LRRIQ1: variants seen among roughly 807,000 people sequenced by gnomAD.
LRRIQ1 encodes leucine-rich repeat- and IQ domain-containing protein 1.
In LRRIQ1, 210 loss-of-function variants were observed where a neutral mutation model predicts 211.9. The observed-to-expected ratio is 0.99, with a 90% CI of 0.89 to 1.11. LRRIQ1 has a LOEUF of 1.11. Ranked by LOEUF, LRRIQ1 falls within the 50% of genes most tolerant of loss-of-function variation. The probability of loss-of-function intolerance (pLI) is 0.00; values close to 1 mark genes in which losing one functional copy is unlikely to be tolerated. For synonymous variants in LRRIQ1, 699 were observed against 650.1 expected, an observed-to-expected ratio of 1.08 and a Z score of -1.14; for missense variants, 2,136 against 1,939.5, an observed-to-expected ratio of 1.10 and a Z score of -1.90.
intron 8 of LRRIQ1, among the ~76,000 whole-genome samples, chr12:85,057,624 A>G (rs996609218): frequency 6.6e-6 from 1 of 152,090 alleles, no homozygotes. Flanking sequence ...AAGGGCTTGC[A>G]TGATAGAAGA....
chr12:85,060,759 A>G (rs1430643892), intron 8 of LRRIQ1, among the ~76,000 whole-genome samples: 1 of 151,942 alleles, frequency 6.6e-6, no homozygotes, highest in African/African-American at 2.4e-5. Context: ...AAAAAAAAAT[A>G]AAATAGACTT....
At chr12:85,138,271 G>A (rs958837646) in intron 19 of LRRIQ1, among the ~76,000 whole-genome samples, 1 of 151,486 alleles carries the variant, frequency 6.6e-6, no homozygotes, top group African/African-American at 2.4e-5. Context: ...TCAAATTTGT[G>A]AGTAGTCTTA....
At position 85,236,830 on chromosome 12, in the gene LRRIQ1, C is replaced by CATATATATATATATATCTATATAT. The variant is rs1555228693; in HGVS notation, c.5016+4090_5016+4091insCTATATATATATATATATATATAT. On this transcript the variant is annotated intron_variant, in intron 26 of 26. Transcript: ENST00000393217. Reference sequence around the variant, plus strand: ...CTGGATATATGTATGTGTATGTGTGCATATATATATATATATATATATATA... The same window carrying CATATATATATATATATCTATATAT: ...CTGGATATATGTATGTGTATGTGTGCATATATATATATATATCTATATATATATATATATATATATATATATATA... Among the ~76,000 whole-genome samples the CATATATATATATATATCTATATAT allele has an allele frequency of 9.2e-5, 10 of 108,800 alleles. No homozygotes were observed. In the East Asian group the frequency reaches 1.5e-3, roughly 16 times the overall value. The allele number at this position is 108,800 out of a possible 152,430, so 71.4% of individuals were successfully genotyped here.
At chr12:85,226,927 A>T (rs1388878939) in intron 24 of LRRIQ1, among the ~76,000 whole-genome samples, 2 of 151,940 alleles carry the variant, frequency 1.3e-5, no homozygotes, top group African/African-American at 4.8e-5. Context: ...CCAGTCTATC[A>T]TTGATGGACA....
At position 85,125,863 on chromosome 12, in the gene LRRIQ1, A is replaced by G. The variant is rs117224398; in HGVS notation, c.4007+1344A>G. On this transcript the variant is annotated intron_variant, in intron 17 of 26. Transcript: ENST00000393217. ...ATAAAATAGCCAAATGATGATAGTA[A>G]GTAAGGAAGAAGAACTGAAAATATA... 1.2e-3 allele frequency among the ~76,000 whole-genome samples: 182 copies of G among 152,308 alleles called. 5 individuals are homozygous for G. The East Asian group carries it at 0.029, about 24-fold the overall frequency.
At position 85,052,253 on chromosome 12, in the gene LRRIQ1, T is replaced by G; in HGVS notation, c.753+2T>G. The G allele has an allele frequency of 4.2e-6, 6 of 1,418,900 alleles. No individual in the cohort carries two copies. Among genetic ancestry groups the G allele is most frequent in the Non-Finnish European group, 5.9e-6 (6 of 1,025,106 alleles). 87.9% of individuals were successfully genotyped at this position (1,418,900 alleles called of 1,614,324 possible). A position where few individuals can be genotyped will look rare whatever the true frequency, so the allele number is the denominator to read the frequency against. ...AAAGAGAAATTTAAACAGCATGAGG[T>G]ATCTATTTGTTGTTTTTATTTAGCA... On this transcript the variant is annotated splice_donor_variant, in intron 7 of 26. Transcript: ENST00000393217. LOFTEE classifies it high-confidence loss of function.
Position 85,153,760 on chromosome 12 carries a change from T to C in LRRIQ1, c.4637+2T>C. 1 of 1,510,230 alleles carries C rather than the reference T, an allele frequency of 6.6e-7. No homozygotes were observed. The highest frequency in any genetic ancestry group is 9.0e-7 in the Non-Finnish European group (1 of 1,113,408). 93.6% of individuals were successfully genotyped at this position (1,510,230 alleles called of 1,614,324 possible). On this transcript the variant is annotated splice_donor_variant, in intron 22 of 26. Coordinates refer to ENST00000393217, the MANE Select transcript of LRRIQ1 (RefSeq NM_001079910.2). LOFTEE classifies it high-confidence loss of function. Reference sequence around the variant, plus strand: ...AGAAAAAAAAATTTCAGAAGAATGGTATGTAGTCAATTTGACACTAATAAA... The same window carrying C: ...AGAAAAAAAAATTTCAGAAGAATGGCATGTAGTCAATTTGACACTAATAAA...
intron 13 of LRRIQ1, among the ~76,000 whole-genome samples, chr12:85,099,561 A>G (rs1205928143): frequency 1.3e-5 from 2 of 151,872 alleles, no homozygotes; most frequent in Non-Finnish European, 3.0e-5. Context: ...TTTGCTGAGA[A>G]TAACTGGCTA....
At chr12:85,192,414 A>G (rs1199483529) in intron 24 of LRRIQ1, among the ~76,000 whole-genome samples, 1 of 134,888 alleles carries the variant, frequency 7.4e-6, no homozygotes, top group Non-Finnish European at 1.5e-5. Flanking sequence ...TTATATAATT[A>G]TATACATTTA....
At chr12:85,123,999 C>T (rs1888171552) in intron 16 of LRRIQ1, 71 bp from the exon 17 acceptor site, 1 of 1,167,560 alleles carries the variant, frequency 8.6e-7, no homozygotes, top group Non-Finnish European at 1.2e-6. Context: ...GTGAAATTTT[C>T]AAAACTTGCA....
intron 24 of LRRIQ1, among the ~76,000 whole-genome samples, chr12:85,224,350 A>G (rs1212213345): frequency 6.6e-6 from 1 of 150,868 alleles, no homozygotes; most frequent in African/African-American, 2.4e-5. Flanking sequence ...ATCTAGAACC[A>G]GAAATACCAT....
chr12:85,138,034 TA>T, intron 19 of LRRIQ1, 65 bp downstream of exon 19: 1 of 993,002 alleles, frequency 1.0e-6, no homozygotes, highest in Non-Finnish European at 1.5e-6. Context: ...ATTTTGAAGA[TA>T]AACCAGTTTC....
At chr12:85,102,575 T>C (rs979790047) in intron 13 of LRRIQ1, among the ~76,000 whole-genome samples, 1 of 151,890 alleles carries the variant, frequency 6.6e-6, no homozygotes, top group South Asian at 2.1e-4. Flanking sequence ...TCTCTGCTAA[T>C]GCTGAAAGGG....
rs763854682 is a variant in LRRIQ1 at position 85,127,987 on chromosome 12, T to C, written c.4163T>C (p.Ile1388Thr). The part of the protein sequence containing the change: ...TILKKGKREN[I>T]VNIRKQREKA... ...TTAAAGAAAGGAAAAAGAGAAAATA[T>C]TGTGAATATCCGAAAACAGAGGGAG... is the stretch of plus-strand genomic sequence containing the variant. The change falls in exon 18 of 27, where the codon ATT becomes ACT. Residue 1388 changes from isoleucine to threonine, a missense_variant. Physicochemically the swap from Ile to Thr is moderately conservative, Grantham distance 89. Coordinates refer to ENST00000393217, the MANE Select transcript of LRRIQ1 (RefSeq NM_001079910.2). The C allele has an allele frequency of 4.3e-6, 7 of 1,613,492 alleles. No homozygotes were observed. Among genetic ancestry groups the C allele is most frequent in the Non-Finnish European group, 5.9e-6 (7 of 1,179,546 alleles).
At chr12:85,163,741 T>C (rs1040070132) in intron 24 of LRRIQ1, among the ~76,000 whole-genome samples, 1 of 152,082 alleles carries the variant, frequency 6.6e-6, no homozygotes, top group African/African-American at 2.4e-5. Context: ...ATTCAAGGAA[T>C]AGTTGATATT....
At chr12:85,118,540 A>G (rs1490479301) in intron 15 of LRRIQ1, among the ~76,000 whole-genome samples, 2 of 113,878 alleles carry the variant, frequency 1.8e-5, no homozygotes, top group East Asian at 2.4e-4. Context: ...AAATGTATTT[A>G]TCTATCTCTT....
intron 11 of LRRIQ1, among the ~76,000 whole-genome samples, chr12:85,079,763 G>A (rs1246452438): frequency 5.3e-5 from 8 of 151,832 alleles, no homozygotes; most frequent in Non-Finnish European, 1.2e-4. Context: ...CATTCTGCCT[G>A]CTTTTTTCTT....
intron 19 of LRRIQ1, among the ~76,000 whole-genome samples, chr12:85,149,403 AG>A (rs1890094956): frequency 6.6e-6 from 1 of 152,000 alleles, no homozygotes; most frequent in Non-Finnish European, 1.5e-5. Flanking sequence ...TTTATTGAAC[AG>A]GAGATCTTTT....
At chr12:85,086,190 G>A (rs944047349) in intron 11 of LRRIQ1, among the ~76,000 whole-genome samples, 12 of 152,070 alleles carry the variant, frequency 7.9e-5, no homozygotes, top group Admixed American at 4.6e-4. Context: ...GATAAGTGAC[G>A]CAGAGCATTT....
Sources: allele counts gnomAD v4.1 joint callset (sites outside exome capture counted in the v4.1 genomes callset), GRCh38; gene constraint gnomAD v4.1.1; transcripts MANE v1.5; gene names NCBI Gene and HGNC (gene_info 2026-07-23, HGNC 2026-07-21).